ZNF486: variants seen among roughly 807,000 people sequenced by gnomAD.
The protein encoded by ZNF486 is zinc finger protein 486, also known as KRAB box only protein 2.
A neutral mutation model predicts 12.8 loss-of-function variants in ZNF486; 12 were observed. That is an observed-to-expected ratio of 0.94 (90% confidence interval 0.60 to 1.52). ZNF486 has a LOEUF of 1.52. Ranked by LOEUF, ZNF486 falls within the 40% of genes most tolerant of loss-of-function variation. The pLI is 0.00. For synonymous variants in ZNF486, 231 were observed against 184.9 expected (o/e 1.25, Z -2.02); for missense variants, 738 against 545.0 (o/e 1.35, Z -3.53).
intron 1 of ZNF486, among the ~76,000 whole-genome samples, chr19:20,170,412 C>A (rs537966532): frequency 6.6e-6 from 1 of 151,810 alleles, no homozygotes; most frequent in East Asian, 2.0e-4. Flanking sequence ...ACTAAAAATA[C>A]AAAAATTAGC....
intron 1 of ZNF486, among the ~76,000 whole-genome samples, chr19:20,180,672 C>G (rs2089774804): frequency 6.6e-6 from 1 of 152,116 alleles, no homozygotes; most frequent in Non-Finnish European, 1.5e-5. Flanking sequence ...CACTTGGGTT[C>G]AAGCGATTCT....
At chr19:20,177,110 A>G (rs1011425646) in intron 1 of ZNF486, 3 of 152,150 alleles carry the variant, frequency 2.0e-5, no homozygotes, top group African/African-American at 7.2e-5. Context: ...GCTGTGGCAA[A>G]TGGGGTTCAT....
intron 3 of ZNF486, among the ~76,000 whole-genome samples, chr19:20,187,855 T>C (rs1261361149): frequency 2.6e-5 from 4 of 152,116 alleles, no homozygotes; most frequent in Non-Finnish European, 5.9e-5. Flanking sequence ...GTTGGGCCCT[T>C]AGGGTGATGA....
Position 20,169,925 on chromosome 19 carries a change from C to T in ZNF486, c.30+2565C>T, listed in dbSNP as rs566167663. Among the ~76,000 whole-genome samples, 142 of 140,994 alleles carry T rather than the reference C, an allele frequency of 1.0e-3. 2 individuals are homozygous for T. Among genetic ancestry groups the T allele is most frequent in the African/African-American group, 3.7e-3 (137 of 36,718 alleles). The allele number at this position is 140,994 out of a possible 152,430, so 92.5% of individuals were successfully genotyped here. ...TTTTTTTTTTTGAGACAGTCTCACT[C>T]CGTCGCCCAGGCTGGAGTGCAGTGG... On this transcript the variant is annotated intron_variant, in intron 1 of 3. Transcript: ENST00000335117.
intron 1 of ZNF486, among the ~76,000 whole-genome samples, chr19:20,177,484 T>C (rs753458422): frequency 5.7e-4 from 87 of 152,248 alleles, no homozygotes; most frequent in Non-Finnish European, 1.1e-3. Context: ...ATTCTTCTAC[T>C]TATGGACTAA....
intron 1 of ZNF486, among the ~76,000 whole-genome samples, chr19:20,168,031 G>C (rs1475747804): frequency 6.6e-6 from 1 of 151,658 alleles, no homozygotes; most frequent in African/African-American, 2.4e-5. Context: ...CAGCCAATAG[G>C]GGAAGGACAC....
intron 1 of ZNF486, chr19:20,174,925 C>T (rs2089689260): frequency 6.6e-6 from 1 of 152,082 alleles, no homozygotes; most frequent in African/African-American, 2.4e-5. Flanking sequence ...GATGTGGCCA[C>T]CCAAAAACCA....
In ZNF486 at chr19:20,169,876, A is replaced by G. The variant is rs915298459; in HGVS notation, c.30+2516A>G. Among the ~76,000 whole-genome samples the G allele has an allele frequency of 6.2e-5, 9 of 145,068 alleles. No homozygotes were observed. The East Asian group carries it at 1.9e-3, about 31-fold the overall frequency. ...ACCGTGTTCTTAGAAGGGACATAAG[A>G]TGGGGTTGTATGTTTTTTTTTTTTT... On this transcript the variant is annotated intron_variant, in intron 1 of 3. Coordinates refer to ENST00000335117, the MANE Select transcript of ZNF486 (RefSeq NM_052852.4).
chr19:20,193,298 C>CTT (rs782490115), intron 3 of ZNF486, among the ~76,000 whole-genome samples: 28 of 142,794 alleles, frequency 2.0e-4, no homozygotes, highest in Admixed American at 5.6e-4. Context: ...TATGTACCAT[C>CTT]TTTTTTTTTT....
At chr19:20,169,504 T>C (rs1375627508) in intron 1 of ZNF486, among the ~76,000 whole-genome samples, 1 of 152,170 alleles carries the variant, frequency 6.6e-6, no homozygotes, top group Non-Finnish European at 1.5e-5. Context: ...GGAGCCTTTA[T>C]CCTGAGAGAA....
intron 1 of ZNF486, among the ~76,000 whole-genome samples, chr19:20,181,383 C>T (rs1361628205): frequency 6.6e-6 from 1 of 151,924 alleles, no homozygotes; most frequent in Non-Finnish European, 1.5e-5. Flanking sequence ...ACTAAGAATA[C>T]AAAAAATTAG....
chr19:20,171,635 A>T lies in ZNF486; in HGVS notation c.30+4275A>T, dbSNP rs1481326437. On this transcript the variant is annotated intron_variant, in intron 1 of 3. Transcript: ENST00000335117. The stretch of plus-strand genomic sequence containing the variant: ...TGCACACAGAAATAAATCAGAGTAC[A>T]GCCCCACCTGGGCCACTATCTGTAG... Among the ~76,000 whole-genome samples, 7 of 152,252 alleles carry T rather than the reference A, an allele frequency of 4.6e-5. No individual in the cohort carries two copies. The East Asian group carries it at 1.3e-3, about 29-fold the overall frequency.
intron 1 of ZNF486, among the ~76,000 whole-genome samples, chr19:20,169,296 T>C (rs559546629): frequency 1.3e-5 from 2 of 152,322 alleles, no homozygotes; most frequent in East Asian, 3.9e-4. Flanking sequence ...GTGTGTTTAC[T>C]AGGGGTTTCT....
rs141613351 is a variant in ZNF486 at position 20,190,484 on chromosome 19, A to C, written c.253+4402A>C. On this transcript the variant is annotated intron_variant, in intron 3 of 3. Transcript: ENST00000335117. ...ACTATAGCCTCAGCCTCCTGGGCTC[A>C]AGTGATCCTTTCACCTCTGTTTTCT... Among the ~76,000 whole-genome samples the C allele has an allele frequency of 1.5e-3, 223 of 152,296 alleles. 1 individual carries two copies. The highest frequency in any genetic ancestry group is 5.2e-3 in the African/African-American group (215 of 41,560).
intron 3 of ZNF486, among the ~76,000 whole-genome samples, chr19:20,190,987 G>A (rs1380842301): frequency 3.9e-5 from 6 of 152,108 alleles, no homozygotes; most frequent in Non-Finnish European, 7.3e-5. Flanking sequence ...TCAAATGAGA[G>A]CTGGTTCATT....
chr19:20,184,901 T>C (rs1319888188), intron 2 of ZNF486, among the ~76,000 whole-genome samples: 1 of 152,024 alleles, frequency 6.6e-6, no homozygotes, highest in Non-Finnish European at 1.5e-5. Flanking sequence ...CACCTGAAGT[T>C]GGGAGTTTGA....
rs113118519 is a variant in ZNF486, at chr19:20,169,268, T to G, written c.30+1908T>G. 6.6e-3 allele frequency among the ~76,000 whole-genome samples: 1,007 copies of G among 151,670 alleles called. 11 individuals carry two copies. Among genetic ancestry groups the G allele is most frequent in the African/African-American group, 0.022 (929 of 41,348 alleles). ...TTACTGGGATTGCAGGCACGCGCCG[T>G]CACGCCCGGCTAATTATGTGTGTTT... is the stretch of plus-strand genomic sequence containing the variant. On this transcript the variant is annotated intron_variant, in intron 1 of 3. Transcript: ENST00000335117.
intron 3 of ZNF486, among the ~76,000 whole-genome samples, 164 bp downstream of exon 3, chr19:20,186,246 A>G (rs899949177): frequency 6.6e-6 from 1 of 152,016 alleles, no homozygotes; most frequent in Non-Finnish European, 1.5e-5. Flanking sequence ...TTTTTCTCTC[A>G]CAAAGGGACA....
chr19:20,169,272 G>C (rs138426624), intron 1 of ZNF486, among the ~76,000 whole-genome samples: 6 of 152,172 alleles, frequency 3.9e-5, no homozygotes, highest in Non-Finnish European at 8.8e-5. Flanking sequence ...GCGCCGTCAC[G>C]CCCGGCTAAT....
Sources: allele counts gnomAD v4.1 joint callset (sites outside exome capture counted in the v4.1 genomes callset), GRCh38; gene constraint gnomAD v4.1.1; transcripts MANE v1.5; gene names NCBI Gene and HGNC (gene_info 2026-07-23, HGNC 2026-07-21).